ELL: variants seen among roughly 807,000 people sequenced by gnomAD.
ELL encodes RNA polymerase II elongation factor ELL.
A neutral mutation model predicts 64.0 loss-of-function variants in ELL; 18 were observed. That is an observed-to-expected ratio of 0.28 (90% confidence interval 0.19 to 0.42). The LOEUF is 0.42. ELL is among the 10% of genes least tolerant of loss of function. The probability of loss-of-function intolerance (pLI) is 1.00; values close to 1 mark genes in which losing one functional copy is unlikely to be tolerated. For missense variants in ELL, 797 were observed against 870.4 expected (o/e 0.92, Z 1.06); for synonymous variants, 399 against 376.2 (o/e 1.06, Z -0.70).
intron 6 of ELL, among the ~76,000 whole-genome samples, chr19:18,454,805 C>T (rs1371342452): frequency 7.4e-6 from 1 of 134,592 alleles, no homozygotes. Flanking sequence ...TGCGCCACTG[C>T]ACTCCAGCCT....
intron 5 of ELL, among the ~76,000 whole-genome samples, chr19:18,460,269 C>T (rs959004749): frequency 3.9e-5 from 6 of 152,216 alleles, no homozygotes; most frequent in African/African-American, 1.4e-4. Context: ...CAACAGTGTC[C>T]TGCTGACCCC....
At position 18,450,564 on chromosome 19, in the gene ELL, T is replaced by A. The variant is rs142159817; in HGVS notation, c.1378A>T (p.Arg460Trp). ...GCCCGGGGCTTGTCCTCAGCCGCCC[T>A]CTCCTTGTCTTTGTGCTTCTTGGAC... ...KKSKKHKDKE[R>W]AAEDKPRAQL... Residue 460 changes from arginine to tryptophan, a missense_variant, in exon 8 of 12, where the codon AGG (arginine) becomes TGG (tryptophan). Transcript: ENST00000262809. The A allele has an allele frequency of 8.7e-6, 14 of 1,612,476 alleles. No individual in the cohort carries two copies. In the African/African-American group the frequency reaches 1.9e-4, roughly 22 times the overall value.
chr19:18,485,838 T>C (rs1249538308), intron 1 of ELL, among the ~76,000 whole-genome samples: 3 of 151,850 alleles, frequency 2.0e-5, no homozygotes, highest in Non-Finnish European at 4.4e-5. Flanking sequence ...TACAAAAAAT[T>C]AGCCGGGCGT....
intron 8 of ELL, 143 bp from the exon 9 acceptor site, chr19:18,446,957 G>T (rs1354701818): frequency 2.1e-6 from 2 of 930,794 alleles, no homozygotes; most frequent in East Asian, 2.6e-5. Context: ...TGACTGTGTG[G>T]CAGGTGCAAG....
chr19:18,470,955 C>G, intron 2 of ELL: 1 of 456,640 alleles, frequency 2.2e-6, no homozygotes, highest in South Asian at 1.5e-5. Flanking sequence ...CTCCATGTCT[C>G]TGCAGAACCC....
intron 1 of ELL, among the ~76,000 whole-genome samples, chr19:18,512,739 C>T (rs879459973): frequency 1.3e-5 from 2 of 152,168 alleles, no homozygotes; most frequent in Admixed American, 6.5e-5. Flanking sequence ...TCGTGCACAG[C>T]CAGGGAGAAC....
intron 1 of ELL, among the ~76,000 whole-genome samples, chr19:18,508,918 C>G (rs982783669): frequency 1.3e-5 from 2 of 152,170 alleles, no homozygotes; most frequent in Non-Finnish European, 2.9e-5. Flanking sequence ...CTACAGCCCA[C>G]TCTGTCCGCG....
chr19:18,452,309 G>T (rs1204527759), intron 6 of ELL, among the ~76,000 whole-genome samples: 1 of 152,136 alleles, frequency 6.6e-6, no homozygotes, highest in East Asian at 1.9e-4. Context: ...AGAGACTTAA[G>T]TCCAGGGCCG....
chr19:18,445,340 C>A, intron 10 of ELL, 72 bp from the exon 11 acceptor site: 1 of 1,416,170 alleles, frequency 7.1e-7, no homozygotes, highest in Non-Finnish European at 9.9e-7. Flanking sequence ...TGAGTGGTCC[C>A]AGGTGCTCTG....
At chr19:18,465,742 T>G (rs1974920452) in intron 3 of ELL, 55 bp downstream of exon 3, 4 of 1,427,388 alleles carry the variant, frequency 2.8e-6, no homozygotes, top group Non-Finnish European at 3.7e-6. Flanking sequence ...GGGCCAGAGG[T>G]GGCAGGGTGA....
intron 1 of ELL, among the ~76,000 whole-genome samples, chr19:18,477,711 G>C (rs1975208631): frequency 6.6e-6 from 1 of 152,218 alleles, no homozygotes; most frequent in Non-Finnish European, 1.5e-5. Context: ...AATGCTGAGA[G>C]AATCTTCTGT....
intron 1 of ELL, among the ~76,000 whole-genome samples, chr19:18,481,583 T>TAACCTAATCTCATCTGCAAAGTCCC (rs1975300672): frequency 1.3e-5 from 2 of 152,196 alleles, no homozygotes; most frequent in South Asian, 4.2e-4. Flanking sequence ...TCAAGATCCT[T>TAACCTAATCTCATCTGCAAAGTCCC]AACCTAATCT....
At chr19:18,472,747 G>T in intron 2 of ELL, 88 bp downstream of exon 2, 1 of 1,466,678 alleles carries the variant, frequency 6.8e-7, no homozygotes, top group Non-Finnish European at 9.3e-7. Context: ...ACTGCCATGA[G>T]CTGCTGCTGT....
At chr19:18,458,991 C>T (rs551753458) in intron 5 of ELL, among the ~76,000 whole-genome samples, 2 of 152,094 alleles carry the variant, frequency 1.3e-5, no homozygotes, top group South Asian at 2.1e-4. Context: ...TGGGCTCAAG[C>T]GATCCTCTTG....
At chr19:18,513,495 G>C (rs1276603177) in intron 1 of ELL, among the ~76,000 whole-genome samples, 1 of 152,214 alleles carries the variant, frequency 6.6e-6, no homozygotes, top group Non-Finnish European at 1.5e-5. Context: ...GCGAGACAGA[G>C]GAGGGTGCAA....
intron 5 of ELL, among the ~76,000 whole-genome samples, 172 bp from the exon 6 acceptor site, chr19:18,458,501 CCA>C (rs901272637): frequency 3.9e-5 from 6 of 152,078 alleles, no homozygotes; most frequent in African/African-American, 1.4e-4. Context: ...TCTCCCACCC[CCA>C]GTTCCCCCGC....
At chr19:18,518,272 G>T (rs1976171884) in intron 1 of ELL, among the ~76,000 whole-genome samples, 1 of 152,110 alleles carries the variant, frequency 6.6e-6, no homozygotes, top group African/African-American at 2.4e-5. Flanking sequence ...GGCTGAGGCA[G>T]GGAAATCACT....
chr19:18,457,488 T>C (rs1009417945), intron 6 of ELL, among the ~76,000 whole-genome samples: 3 of 152,158 alleles, frequency 2.0e-5, no homozygotes, highest in Non-Finnish European at 4.4e-5. Context: ...GACCCCCAAC[T>C]TCATTCTGCT....
chr19:18,516,136 T>A (rs1489860164), intron 1 of ELL, among the ~76,000 whole-genome samples: 1 of 151,980 alleles, frequency 6.6e-6, no homozygotes, highest in Non-Finnish European at 1.5e-5. Flanking sequence ...GCTGTGAGAA[T>A]GGATCACAGG....
Sources: allele counts gnomAD v4.1 joint callset (sites outside exome capture counted in the v4.1 genomes callset), GRCh38; gene constraint gnomAD v4.1.1; transcripts MANE v1.5; gene names NCBI Gene and HGNC (gene_info 2026-07-23, HGNC 2026-07-21).